The following CDK5RAP2 variants were observed in gnomAD, a reference collection of about 807,000 sequenced individuals.
The protein encoded by CDK5RAP2 is CDK5 regulatory subunit associated protein 2, also known as CDK5 regulatory subunit-associated protein 2.
A neutral mutation model predicts 232.9 loss-of-function variants in CDK5RAP2; 147 were observed. The observed-to-expected ratio is 0.63, with a 90% CI of 0.55 to 0.72. The LOEUF is 0.72. Ranked by LOEUF, CDK5RAP2 falls within the 30% of genes least tolerant of loss-of-function variation. The pLI is 0.00. For missense variants in CDK5RAP2, 2,195 were observed against 2,231.5 expected, an observed-to-expected ratio of 0.98 and a Z score of 0.33; for synonymous variants, 833 against 833.7, an observed-to-expected ratio of 1.00 and a Z score of 0.01.
In CDK5RAP2 at chr9:120,439,973, C is replaced by G. The variant is rs2035804885; in HGVS notation, c.3149-1G>C. 9 of 1,612,776 alleles carry G rather than the reference C, an allele frequency of 5.6e-6. No homozygotes were observed. Among genetic ancestry groups the G allele is most frequent in the Non-Finnish European group, 7.6e-6 (9 of 1,179,614 alleles). ...TCATCAGGTGGGCAAATCTCAGAGT[C>G]TGAAAATCAAATACACTTATGTCAG... On this transcript the variant is annotated splice_acceptor_variant, in intron 23 of 37. Coordinates refer to ENST00000349780, the MANE Select transcript of CDK5RAP2 (RefSeq NM_018249.6). LOFTEE classifies it high-confidence loss of function.
rs2041072210 is a variant in CDK5RAP2 at position 120,529,902 on chromosome 9, C to T, written c.825+76G>A. Reference sequence around the variant, plus strand: ...CAGGCTGTGTGTGAACCATGAGGACCGAATGCGCATTCCATCTCCCACAGA... The same window carrying T: ...CAGGCTGTGTGTGAACCATGAGGACTGAATGCGCATTCCATCTCCCACAGA... On this transcript the variant is annotated intron_variant, in intron 8 of 37. Coordinates refer to ENST00000349780, the MANE Select transcript of CDK5RAP2 (RefSeq NM_018249.6). The T allele has an allele frequency of 5.0e-6, 7 of 1,389,326 alleles. No individual in the cohort carries two copies. The Admixed American group carries it at 8.4e-5, about 17-fold the overall frequency. 86.1% of individuals were successfully genotyped at this position (1,389,326 alleles called of 1,614,324 possible).
In CDK5RAP2 at chr9:120,467,868, GT is replaced by G. The variant is rs1160669134; in HGVS notation, c.2097del (p.Glu699AspfsTer26). ...ACAAAAATGTTTCTTACCTCTGTTT[GT>G]TCTGTAGACGCAAGTCTATCTGGAA... The part of the protein sequence containing the change: ...NGFPDRLAST[E>X]QTELLASKED... On this transcript the variant is annotated frameshift_variant, in exon 18 of 38. Coordinates refer to ENST00000349780, the MANE Select transcript of CDK5RAP2 (RefSeq NM_018249.6). LOFTEE classifies it high-confidence loss of function. 1 of 1,614,058 alleles carries G rather than the reference GT, an allele frequency of 6.2e-7. No individual in the cohort carries two copies. The highest frequency in any genetic ancestry group is 2.2e-5 in the East Asian group (1 of 44,884).
intron 25 of CDK5RAP2, among the ~76,000 whole-genome samples, chr9:120,433,616 AGGTTATTT>A (rs2035405258): frequency 6.6e-6 from 1 of 152,240 alleles, no homozygotes; most frequent in South Asian, 2.1e-4. Context: ...TAAATATGTA[AGGTTATTT>A]CTCTATGCCT....
intron 13 of CDK5RAP2, among the ~76,000 whole-genome samples, chr9:120,488,514 G>A (rs1380044226): frequency 6.6e-6 from 1 of 152,102 alleles, no homozygotes; most frequent in African/African-American, 2.4e-5. Flanking sequence ...CACTCCCAGA[G>A]AAAAACAACT....
chr9:120,447,444 G>A (rs2036252132), intron 22 of CDK5RAP2, among the ~76,000 whole-genome samples: 1 of 152,178 alleles, frequency 6.6e-6, no homozygotes, highest in African/African-American at 2.4e-5. Flanking sequence ...GTTCAAAGAG[G>A]GTGGGGAAGT....
chr9:120,552,832 T>C (rs1198888081), intron 3 of CDK5RAP2, among the ~76,000 whole-genome samples: 1 of 151,210 alleles, frequency 6.6e-6, no homozygotes, highest in Non-Finnish European at 1.5e-5. Context: ...ACCCTAAAAC[T>C]TAAAGTTTAA....
chr9:120,403,902 C>A lies in CDK5RAP2; in HGVS notation c.5041+134G>T. ...AGGAGAAGATCACCAGCTGGGGATG[C>A]TGAGAACTTGAAATCCCAAATCCTT... On this transcript the variant is annotated intron_variant, in intron 33 of 37. Transcript: ENST00000349780. The surrounding 1 kb of genome is among the most constrained non-coding windows in gnomAD (Gnocchi z 4.2). 1 of 708,496 alleles carries A rather than the reference C, an allele frequency of 1.4e-6. No homozygotes were observed. The highest frequency in any genetic ancestry group is 2.6e-6 in the Non-Finnish European group (1 of 385,390). 43.9% of individuals were successfully genotyped at this position (708,496 alleles called of 1,614,324 possible).
rs1404088160 is a variant in CDK5RAP2 at position 120,439,710 on chromosome 9, G to A, written c.3411C>T (p.Ser1137=). ...CTGTAATTATGGCCTCACTGCACTGGGAGTGCTTTTGAAGCTGAAATATGA... is the reference window on the plus strand; with the variant it reads ...CTGTAATTATGGCCTCACTGCACTGAGAGTGCTTTTGAAGCTGAAATATGA... ...QNFIFQLQKH[S]QCSEAIITVL... Residue 1137 remains serine (S), a synonymous_variant, in exon 24 of 38, where the codon TCC becomes TCT. Coordinates refer to ENST00000349780, the MANE Select transcript of CDK5RAP2 (RefSeq NM_018249.6). The A allele has an allele frequency of 6.2e-7, 1 of 1,614,186 alleles. No homozygotes were observed. Among genetic ancestry groups the A allele is most frequent in the South Asian group, 1.1e-5 (1 of 91,082 alleles).
chr9:120,470,203 A>C lies in CDK5RAP2; in HGVS notation c.1876T>G (p.Tyr626Asp). Residue 626 changes from tyrosine (Y) to aspartate (D), a missense_variant, in exon 17 of 38, where the codon TAT (tyrosine) becomes GAT (aspartate). Physicochemically the swap from Tyr to Asp is radical, Grantham distance 160. Coordinates refer to ENST00000349780, the MANE Select transcript of CDK5RAP2 (RefSeq NM_018249.6). ...RRREEESFSLYSDQTSYLSIC... is the reference protein window; with the variant it reads ...RRREEESFSLDSDQTSYLSIC... Reference sequence around the variant, plus strand: ...CTTAGATAAGATGTTTGATCACTATAAAGTGAAAATGATTCTTCTGCCCAA... The same window carrying C: ...CTTAGATAAGATGTTTGATCACTATCAAGTGAAAATGATTCTTCTGCCCAA... 1 of 1,563,732 alleles carries C rather than the reference A, an allele frequency of 6.4e-7. No individual in the cohort carries two copies. The highest frequency in any genetic ancestry group is 1.2e-5 in the South Asian group (1 of 86,084).
At chr9:120,416,430 C>T (rs527666593) in intron 27 of CDK5RAP2, among the ~76,000 whole-genome samples, 46 of 152,272 alleles carry the variant, frequency 3.0e-4, no homozygotes, top group African/African-American at 8.9e-4. Context: ...ATATACTTCA[C>T]AATATCACAG....
At chr9:120,498,161 C>A (rs2039403706) in intron 12 of CDK5RAP2, among the ~76,000 whole-genome samples, 1 of 152,230 alleles carries the variant, frequency 6.6e-6, no homozygotes, top group Non-Finnish European at 1.5e-5. Context: ...CCACCTGTTT[C>A]TTTGTTTGAT....
chr9:120,469,262 C>A (rs568993505), intron 17 of CDK5RAP2, among the ~76,000 whole-genome samples: 1 of 152,316 alleles, frequency 6.6e-6, no homozygotes, highest in African/African-American at 2.4e-5. Context: ...TCGAAACCCA[C>A]TTCAAGTCTC....
intron 36 of CDK5RAP2, among the ~76,000 whole-genome samples, chr9:120,393,974 T>C (rs1370641452): frequency 2.0e-5 from 3 of 152,168 alleles, no homozygotes; most frequent in African/African-American, 7.2e-5. Context: ...ACCTACAGTC[T>C]TTCATGAAGT....
intron 12 of CDK5RAP2, among the ~76,000 whole-genome samples, chr9:120,493,528 A>G (rs1348492380): frequency 6.6e-6 from 1 of 152,280 alleles, no homozygotes; most frequent in African/African-American, 2.4e-5. Context: ...CATCACAAAA[A>G]GAGGGACTAT....
chr9:120,536,977 GGAAAAA>G (rs2041419324), intron 6 of CDK5RAP2, among the ~76,000 whole-genome samples: 1 of 146,102 alleles, frequency 6.8e-6, no homozygotes, highest in Admixed American at 6.7e-5. Context: ...GATTCAGTTG[GGAAAAA>G]AAAAAAAAAA....
intron 36 of CDK5RAP2, among the ~76,000 whole-genome samples, chr9:120,392,439 C>T (rs1037749276): frequency 1.3e-5 from 2 of 152,188 alleles, no homozygotes. Flanking sequence ...CTAGTTCTGT[C>T]CTTTTGACCG....
chr9:120,458,585 C>A lies in CDK5RAP2; in HGVS notation c.2240G>T (p.Gly747Val). ...KDLSKGGCKNGYLRHTESKIS... is the reference protein window; with the variant it reads ...KDLSKGGCKNVYLRHTESKIS... Reference sequence around the variant, plus strand: ...CTTAGACTCCGTGTGCCTTAAGTATCCATTTTTGCAGCCTCCTTTGGAAAG... The same window carrying A: ...CTTAGACTCCGTGTGCCTTAAGTATACATTTTTGCAGCCTCCTTTGGAAAG... The change falls in exon 20 of 38, where the codon GGA becomes GTA. Residue 747 changes from glycine to valine, a missense_variant. By Grantham distance (109) the Gly-to-Val change is moderately radical (BLOSUM62 -3). Transcript: ENST00000349780. 1 of 1,614,142 alleles carries A rather than the reference C, an allele frequency of 6.2e-7. No homozygotes were observed. Among genetic ancestry groups the A allele is most frequent in the Non-Finnish European group, 8.5e-7 (1 of 1,180,014 alleles).
intron 1 of CDK5RAP2, among the ~76,000 whole-genome samples, chr9:120,576,903 G>C (rs989260227): frequency 2.0e-5 from 3 of 151,970 alleles, no homozygotes; most frequent in Non-Finnish European, 2.9e-5. Flanking sequence ...GAGCAAGACT[G>C]TCTCTAAAAA....
chr9:120,484,610 G>C (rs2038495815), intron 14 of CDK5RAP2, among the ~76,000 whole-genome samples: 2 of 152,174 alleles, frequency 1.3e-5, no homozygotes. Flanking sequence ...TAGAATCCTA[G>C]ATACTTGGGA....
Sources: gnomAD v4.1 joint callset for allele counts (sites outside exome capture counted in the v4.1 genomes callset) on GRCh38, gnomAD v4.1.1 for gene constraint, Gnocchi (gnomAD v3.1) non-coding constraint, MANE v1.5 for transcripts, NCBI Gene and HGNC (gene_info 2026-07-23, HGNC 2026-07-21) for gene names.